Variants in TYRP1 observed in about 807,000 individuals in gnomAD.
The protein encoded by TYRP1 is tyrosinase related protein 1, also known as 5,6-dihydroxyindole-2-carboxylic acid oxidase.
A neutral mutation model predicts 42.8 loss-of-function variants in TYRP1; 49 were observed. The observed-to-expected ratio is 1.14, with a 90% confidence interval of 0.91 to 1.45. The LOEUF (loss-of-function observed/expected upper bound fraction) is 1.45. TYRP1 is among the 40% of genes most tolerant of loss of function. The probability of loss-of-function intolerance (pLI) is 0.00; values close to 1 mark genes in which losing one functional copy is unlikely to be tolerated. For synonymous variants in TYRP1, 279 were observed against 235.4 expected (o/e 1.19, Z -1.69); for missense variants, 848 against 662.0 (o/e 1.28, Z -3.08).
intron 5 of TYRP1, among the ~76,000 whole-genome samples, chr9:12,703,865 T>G (rs1462339776): frequency 1.4e-5 from 2 of 142,342 alleles, no homozygotes; most frequent in Non-Finnish European, 1.5e-5. Context: ...CTCCCTTATA[T>G]ATGGAATATA....
intron 6 of TYRP1, chr9:12,707,599 G>A: frequency 5.1e-6 from 1 of 195,248 alleles, no homozygotes; most frequent in Non-Finnish European, 1.0e-5. Context: ...AGATAGTAAG[G>A]TCAAAGGGAT....
At chr9:12,702,163 C>T in intron 4 of TYRP1, 108 bp from the exon 5 acceptor site, 2 of 1,209,368 alleles carry the variant, frequency 1.7e-6, no homozygotes, top group South Asian at 1.5e-5. Flanking sequence ...TCTTTTCTAC[C>T]AAGGAAAACC....
intron 4 of TYRP1, among the ~76,000 whole-genome samples, chr9:12,701,276 T>A (rs1563854446): frequency 6.6e-6 from 1 of 151,952 alleles, no homozygotes; most frequent in Non-Finnish European, 1.5e-5. Flanking sequence ...TCCACTACTA[T>A]CCTGGCACAT....
chr9:12,701,893 C>A, intron 4 of TYRP1: 1 of 192,202 alleles, frequency 5.2e-6, no homozygotes, highest in Non-Finnish European at 1.1e-5. Context: ...ATATATGTGA[C>A]ATAAAGATTT....
At chr9:12,699,442 G>T (rs543362868) in intron 4 of TYRP1, among the ~76,000 whole-genome samples, 25 of 151,890 alleles carry the variant, frequency 1.6e-4, no homozygotes, top group Non-Finnish European at 2.9e-5. Flanking sequence ...TCTTTTGATT[G>T]TTCTTCCATA....
At chr9:12,694,682 A>T (rs987392941) in intron 2 of TYRP1, among the ~76,000 whole-genome samples, 2 of 152,190 alleles carry the variant, frequency 1.3e-5, no homozygotes, top group African/African-American at 4.8e-5. Context: ...TCAGGTAAAC[A>T]TGTTAATTGT....
chr9:12,707,268 A>G (rs1262185969), intron 6 of TYRP1, among the ~76,000 whole-genome samples: 1 of 152,026 alleles, frequency 6.6e-6, no homozygotes, highest in African/African-American at 2.4e-5. Context: ...AATCACACGT[A>G]CACTTAAGTC....
At position 12,702,279 on chromosome 9, in the gene TYRP1, G is replaced by T; in HGVS notation, c.922G>T (p.Asp308Tyr). The T allele has an allele frequency of 6.2e-7, 1 of 1,612,974 alleles. No individual in the cohort carries two copies. Among genetic ancestry groups the T allele is most frequent in the Non-Finnish European group, 8.5e-7 (1 of 1,179,354 alleles). The change falls in exon 5 of 8, where the codon GAT (aspartate) becomes TAT (tyrosine). Residue 308 changes from aspartate to tyrosine, a missense_variant. Transcript: ENST00000388918. ...CCCATTTTTTTCTGCAGGCACCGAG[G>T]ATGGGCCAATTAGGAGAAATCCAGC... The part of the protein sequence containing the change: ...TLGTLCNSTE[D>Y]GPIRRNPAGN...
chr9:12,707,837 CT>C, intron 6 of TYRP1, 159 bp from the exon 7 acceptor site: 1 of 657,266 alleles, frequency 1.5e-6, no homozygotes, highest in Non-Finnish European at 2.6e-6. Flanking sequence ...TATGTAATTT[CT>C]CATCCTGCTG....
intron 2 of TYRP1, among the ~76,000 whole-genome samples, chr9:12,694,974 A>T (rs1260976822): frequency 6.6e-6 from 1 of 152,182 alleles, no homozygotes; most frequent in East Asian, 1.9e-4. Context: ...ATGAACATGT[A>T]TTGAGTCCTT....
chr9:12,708,332 G>T (rs1349044468), intron 7 of TYRP1, among the ~76,000 whole-genome samples, 189 bp downstream of exon 7: 1 of 151,926 alleles, frequency 6.6e-6, no homozygotes, highest in South Asian at 2.1e-4. Context: ...AGCTGATATT[G>T]ATCTTATTGT....
At chr9:12,705,936 C>T (rs974712263) in intron 6 of TYRP1, among the ~76,000 whole-genome samples, 2 of 149,572 alleles carry the variant, frequency 1.3e-5, no homozygotes, top group African/African-American at 4.9e-5. Context: ...ATAATTTACA[C>T]TGTCAGCTTT....
At chr9:12,702,197 A>G (rs41302053) in intron 4 of TYRP1, 74 bp from the exon 5 acceptor site, 2 of 1,502,978 alleles carry the variant, frequency 1.3e-6, no homozygotes, top group Non-Finnish European at 1.8e-6. Flanking sequence ...CATGCTATGT[A>G]TAAAGTTTTA....
At chr9:12,695,927 CAG>C in intron 3 of TYRP1, 90 bp downstream of exon 3, 1 of 1,435,220 alleles carries the variant, frequency 7.0e-7, no homozygotes, top group African/African-American at 1.4e-5. Context: ...TCAGAATCAT[CAG>C]AACATTTGAT....
In TYRP1 at chr9:12,695,735, G is replaced by A. The variant is rs754885595; in HGVS notation, c.606G>A (p.Gly202=). 6.2e-7 allele frequency: 1 copy of A among 1,614,124 alleles called. No individual in the cohort carries two copies. The highest frequency in any genetic ancestry group is 1.7e-5 in the Admixed American group (1 of 60,016). ...HYYSVKKTFL[G]VGQESFGEVD... The stretch of plus-strand genomic sequence containing the variant: ...ACTCAGTCAAAAAGACTTTCCTTGG[G>A]GTAGGACAGGAAAGCTTTGGTGAAG... Residue 202 remains glycine (G), a synonymous_variant, in exon 3 of 8, where the codon GGG becomes GGA. Transcript: ENST00000388918.
chr9:12,702,826 A>G (rs1374096788), intron 5 of TYRP1, among the ~76,000 whole-genome samples: 3 of 152,062 alleles, frequency 2.0e-5, no homozygotes, highest in African/African-American at 7.2e-5. Context: ...AGTAATAAAA[A>G]AAATTCCAAA....
intron 5 of TYRP1, 45 bp from the exon 6 acceptor site, chr9:12,704,481 A>G: frequency 4.4e-6 from 7 of 1,592,026 alleles, no homozygotes; most frequent in Non-Finnish European, 6.0e-6. Context: ...GAAAAGTGAA[A>G]TATTTGCAAT....
rs1818286544 is a variant in TYRP1 at position 12,707,990 on chromosome 9, A to T, written c.1262-7A>T. The T allele has an allele frequency of 6.2e-7, 1 of 1,607,958 alleles. No individual in the cohort carries two copies. On this transcript the variant is annotated splice_polypyrimidine_tract_variant and splice_region_variant and intron_variant, in intron 6 of 7. Coordinates refer to ENST00000388918, the MANE Select transcript of TYRP1 (RefSeq NM_000550.3). ...TTTATTAATACGTTGTCTTTGGAAT[A>T]ATTTAGATATATCCACATTTCCATT... is the stretch of plus-strand genomic sequence containing the variant.
At chr9:12,697,461 G>A (rs569632519) in intron 3 of TYRP1, among the ~76,000 whole-genome samples, 2 of 152,162 alleles carry the variant, frequency 1.3e-5, no homozygotes, top group South Asian at 4.1e-4. Flanking sequence ...CAAACCCCTG[G>A]AGACCAATAA....
Sources: gnomAD v4.1 joint callset for allele counts (sites outside exome capture counted in the v4.1 genomes callset) on GRCh38, gnomAD v4.1.1 for gene constraint, MANE v1.5 for transcripts, NCBI Gene and HGNC (gene_info 2026-07-23, HGNC 2026-07-21) for gene names.